Variants in PCDH7 observed in about 807,000 individuals in gnomAD.
PCDH7 encodes protocadherin 7.
Under a neutral mutation model 58.9 loss-of-function variants are expected in PCDH7, and 17 were observed. The ratio of observed to expected loss-of-function variants is 0.29; its 90% CI spans 0.20 to 0.43. The LOEUF (loss-of-function observed/expected upper bound fraction) is 0.43. Ranked by LOEUF, PCDH7 falls within the 20% of genes least tolerant of loss-of-function variation. The pLI is 1.00. For synonymous variants in PCDH7, 664 were observed against 616.4 expected, an observed-to-expected ratio of 1.08 and a Z score of -1.14; for missense variants, 1,274 against 1,441.0, an observed-to-expected ratio of 0.88 and a Z score of 1.88.
chr4:31,043,497 C>A (rs1756049273), intron 3 of PCDH7, among the ~76,000 whole-genome samples: 3 of 152,072 alleles, frequency 2.0e-5, no homozygotes, highest in African/African-American at 4.8e-5. Context: ...GAGATGCTAT[C>A]TGATTGTGGT....
At chr4:31,054,590 T>TC (rs1162965971) in intron 3 of PCDH7, among the ~76,000 whole-genome samples, 3 of 152,200 alleles carry the variant, frequency 2.0e-5, no homozygotes, top group African/African-American at 7.2e-5. Flanking sequence ...GGAAAATTCT[T>TC]TTAGTACCTC....
chr4:30,768,056 TACTC>T (rs1720966527), intron 1 of PCDH7, among the ~76,000 whole-genome samples: 1 of 152,194 alleles, frequency 6.6e-6, no homozygotes, highest in Non-Finnish European at 1.5e-5. Flanking sequence ...AAAAATGTGA[TACTC>T]AGAATCAGAA....
intron 3 of PCDH7, among the ~76,000 whole-genome samples, chr4:30,972,183 T>C (rs1354952554): frequency 6.6e-6 from 1 of 152,210 alleles, no homozygotes; most frequent in Admixed American, 6.5e-5. Flanking sequence ...ATTATTATTA[T>C]GGAAATGATG....
chr4:31,012,898 T>C (rs1753299951), intron 3 of PCDH7, among the ~76,000 whole-genome samples: 1 of 150,372 alleles, frequency 6.7e-6, no homozygotes, highest in Non-Finnish European at 1.5e-5. Context: ...TGGTCCCAGA[T>C]ACTCTAGAGA....
rs964770965 is a variant in PCDH7 at position 30,891,221 on chromosome 4, G to T, written c.71-28932G>T. Among the ~76,000 whole-genome samples, 9 of 152,118 alleles carry T rather than the reference G, an allele frequency of 5.9e-5. No homozygotes were observed. The South Asian group carries it at 1.7e-3, about 28-fold the overall frequency. ...ATTTAATGGTATAGTGAACAATTAG[G>T]TATATTTTACCAGGAATAGGAGAAT... On this transcript the variant is annotated intron_variant, in intron 1 of 3. Coordinates refer to the PCDH7 transcript ENST00000509759.
At chr4:30,978,054 A>T (rs1182888332) in intron 3 of PCDH7, among the ~76,000 whole-genome samples, 1 of 152,184 alleles carries the variant, frequency 6.6e-6, no homozygotes, top group East Asian at 1.9e-4. Context: ...GTATCACTCA[A>T]AAGTTCATTT....
At chr4:30,724,024 G>A in exon 1 of PCDH7, 1 of 1,614,164 alleles carries the variant, frequency 6.2e-7, no homozygotes, top group South Asian at 1.1e-5. Context: ...TATAGCTGGT[G>A]ACCCAAGCTA....
chr4:30,886,564 G>T (rs1402687368), intron 1 of PCDH7, among the ~76,000 whole-genome samples: 1 of 148,828 alleles, frequency 6.7e-6, no homozygotes, highest in Non-Finnish European at 1.5e-5. Flanking sequence ...AGTCAGTGTG[G>T]CGATTCCTCA....
intron 1 of PCDH7, among the ~76,000 whole-genome samples, chr4:30,889,397 G>T (rs1388545618): frequency 6.6e-6 from 1 of 151,850 alleles, no homozygotes; most frequent in East Asian, 1.9e-4. Context: ...ATTGATCGTT[G>T]TCAACATTAT....
At chr4:31,010,923 TTATAGG>T (rs1374233555) in intron 3 of PCDH7, among the ~76,000 whole-genome samples, 3 of 151,994 alleles carry the variant, frequency 2.0e-5, no homozygotes, top group Non-Finnish European at 4.4e-5. Context: ...AAACAACACA[TTATAGG>T]TACTGGATAG....
chr4:31,098,159 G>C (rs1714407452), intron 3 of PCDH7, among the ~76,000 whole-genome samples: 1 of 152,132 alleles, frequency 6.6e-6, no homozygotes, highest in African/African-American at 2.4e-5. Flanking sequence ...CCCCCACGCA[G>C]GGATGTCACT....
intron 2 of PCDH7, among the ~76,000 whole-genome samples, chr4:30,939,646 T>C (rs1023498982): frequency 3.3e-5 from 5 of 152,132 alleles, no homozygotes; most frequent in African/African-American, 1.2e-4. Flanking sequence ...ATTTGTCAAA[T>C]TTATGGCTTG....
At chr4:30,818,303 C>T (rs1048580277) in intron 1 of PCDH7, among the ~76,000 whole-genome samples, 10 of 152,074 alleles carry the variant, frequency 6.6e-5, no homozygotes, top group African/African-American at 2.4e-4. Flanking sequence ...TTCTTTCTCA[C>T]CCATTAGAAT....
chr4:30,874,637 A>T (rs1471867050), intron 1 of PCDH7, among the ~76,000 whole-genome samples: 1 of 151,746 alleles, frequency 6.6e-6, no homozygotes, highest in Admixed American at 6.6e-5. Flanking sequence ...ACATGTATAC[A>T]TATGTAACTA....
At chr4:30,899,238 T>C (rs1200980942) in intron 1 of PCDH7, among the ~76,000 whole-genome samples, 1 of 152,172 alleles carries the variant, frequency 6.6e-6, no homozygotes, top group East Asian at 1.9e-4. Flanking sequence ...AATATTCCTA[T>C]CCTGCTCACA....
chr4:31,059,449 T>A (rs1383656329), intron 3 of PCDH7, among the ~76,000 whole-genome samples: 1 of 151,950 alleles, frequency 6.6e-6, no homozygotes, highest in Admixed American at 6.6e-5. Flanking sequence ...TAGAATTGTA[T>A]CAATTCAGAT....
At chr4:30,969,036 G>T (rs923431470) in intron 3 of PCDH7, among the ~76,000 whole-genome samples, 2 of 151,952 alleles carry the variant, frequency 1.3e-5, no homozygotes, top group Admixed American at 6.6e-5. Context: ...ACGTACTCTC[G>T]GTCAGAGAAT....
At chr4:30,826,408 C>T (rs1729093613) in intron 1 of PCDH7, among the ~76,000 whole-genome samples, 1 of 151,934 alleles carries the variant, frequency 6.6e-6, no homozygotes, top group Non-Finnish European at 1.5e-5. Flanking sequence ...AAAAATGCAT[C>T]ACAGTAATAC....
intron 3 of PCDH7, among the ~76,000 whole-genome samples, chr4:31,120,441 C>CTTTTTTTTTTTTTT (rs138878762): frequency 3.7e-4 from 40 of 107,904 alleles, no homozygotes; most frequent in East Asian, 8.1e-4. Context: ...CTATTTTTTT[C>CTTTTTTTTTTTTTT]TTTTTTTTTT....
Sources: allele counts gnomAD v4.1 joint callset (sites outside exome capture counted in the v4.1 genomes callset), GRCh38; gene constraint gnomAD v4.1.1; transcripts MANE v1.5; gene names NCBI Gene and HGNC (gene_info 2026-07-23, HGNC 2026-07-21).